ARFIP1: variants seen among roughly 807,000 people sequenced by gnomAD.
The protein encoded by ARFIP1 is ARF interacting protein 1, also known as arfaptin-1.
ARFIP1 carries 24 observed loss-of-function variants against 42.5 expected under a neutral mutation model. The ratio of observed to expected loss-of-function variants is 0.57; its 90% CI spans 0.41 to 0.80. The LOEUF is 0.80. Among genes scored for constraint, ARFIP1 ranks in the 30% least tolerant of loss-of-function variants. The pLI is 0.00. For synonymous variants in ARFIP1, 141 were observed against 153.7 expected (o/e 0.92, Z 0.61); for missense variants, 354 against 434.0 (o/e 0.82, Z 1.64).
chr4:152,781,792 G>C (rs2149810220), intron 1 of ARFIP1, among the ~76,000 whole-genome samples: 1 of 152,276 alleles, frequency 6.6e-6, no homozygotes, highest in East Asian at 1.9e-4. Context: ...TTGATAAACT[G>C]GTTTTCCTTG....
chr4:152,872,456 C>T lies in ARFIP1; in HGVS notation c.303C>T (p.Gly101=), dbSNP rs545518935. ...QGSDLIVPAG[G]QRTQTKSGPV... The stretch of plus-strand genomic sequence containing the variant: ...TTATCTTTTGTTATCTTGCAGGTGG[C>T]CAGAGAACACAGACAAAAAGTGGAC... Residue 101 remains glycine, a synonymous_variant, in exon 5 of 9, where the codon GGC becomes GGT. Transcript: ENST00000353617. 4.4e-6 allele frequency: 7 copies of T among 1,602,436 alleles called. No homozygotes were observed. The East Asian group carries it at 1.1e-4, about 26-fold the overall frequency.
At chr4:152,794,506 T>G (rs984679939) in intron 1 of ARFIP1, among the ~76,000 whole-genome samples, 2 of 152,172 alleles carry the variant, frequency 1.3e-5, no homozygotes, top group Non-Finnish European at 2.9e-5. Flanking sequence ...TACTTATGAT[T>G]ACTTGATCAC....
chr4:152,884,420 G>A (rs942478117), intron 7 of ARFIP1, among the ~76,000 whole-genome samples: 3 of 151,760 alleles, frequency 2.0e-5, no homozygotes, highest in Non-Finnish European at 2.9e-5. Context: ...TGTTCATAAT[G>A]TCCTAATTTG....
intron 6 of ARFIP1, among the ~76,000 whole-genome samples, chr4:152,881,929 GA>G: frequency 6.6e-6 from 1 of 152,250 alleles, no homozygotes; most frequent in African/African-American, 2.4e-5. Context: ...AACTGAAATT[GA>G]AAAGTGTTTT....
At chr4:152,815,070 C>A (rs1729760735) in intron 1 of ARFIP1, among the ~76,000 whole-genome samples, 1 of 152,200 alleles carries the variant, frequency 6.6e-6, no homozygotes, top group African/African-American at 2.4e-5. Flanking sequence ...TATGTTTCTC[C>A]TTCTACCTTA....
chr4:152,781,237 T>TTTC (rs1554019438), intron 1 of ARFIP1, among the ~76,000 whole-genome samples: 13 of 143,934 alleles, frequency 9.0e-5, no homozygotes, highest in African/African-American at 3.1e-4. Context: ...CTTTTTTCTT[T>TTTC]TTTTTTTTTT....
At chr4:152,793,468 A>G (rs1360618058) in intron 1 of ARFIP1, among the ~76,000 whole-genome samples, 3 of 151,850 alleles carry the variant, frequency 2.0e-5, no homozygotes, top group African/African-American at 7.3e-5. Flanking sequence ...TGGTCTTCCC[A>G]TAGTCTTGGG....
intron 1 of ARFIP1, chr4:152,796,211 A>C: frequency 1.2e-6 from 1 of 821,296 alleles, no homozygotes; most frequent in South Asian, 1.4e-5. Context: ...AATAACACCC[A>C]AAGTTGTATA....
intron 1 of ARFIP1, among the ~76,000 whole-genome samples, chr4:152,794,966 A>G (rs987331823): frequency 2.1e-4 from 32 of 152,140 alleles, no homozygotes; most frequent in African/African-American, 6.8e-4. Flanking sequence ...TTCTGACACC[A>G]TGTCAGCATG....
intron 1 of ARFIP1, among the ~76,000 whole-genome samples, chr4:152,795,461 A>C (rs554011826): frequency 6.6e-6 from 1 of 152,284 alleles, no homozygotes; most frequent in South Asian, 2.1e-4. Context: ...GGCACATCCA[A>C]GTTTCCAATA....
At chr4:152,887,568 CA>C (rs1488939701) in intron 7 of ARFIP1, among the ~76,000 whole-genome samples, 1 of 151,952 alleles carries the variant, frequency 6.6e-6, no homozygotes, top group African/African-American at 2.4e-5. Flanking sequence ...TTACATGCCA[CA>C]ATGATTAATA....
intron 1 of ARFIP1, among the ~76,000 whole-genome samples, chr4:152,810,739 C>T (rs947307021): frequency 3.3e-5 from 5 of 152,128 alleles, no homozygotes; most frequent in Non-Finnish European, 5.9e-5. Flanking sequence ...TGGCATGAAC[C>T]TGGGAGGCGG....
At chr4:152,883,072 A>G (rs75691044) in intron 7 of ARFIP1, among the ~76,000 whole-genome samples, 192 bp downstream of exon 7, 2,483 of 152,266 alleles carry the variant, frequency 0.016, 68 homozygotes, top group African/African-American at 0.056. Context: ...ACCAAGAACC[A>G]AAGCCAAGTT....
rs201702407 is a variant in ARFIP1, at chr4:152,818,204, C to G, written c.-9-11421C>G. On this transcript the variant is annotated intron_variant, in intron 1 of 8. Coordinates refer to ENST00000353617, the MANE Select transcript of ARFIP1 (RefSeq NM_001025595.3). ...GCAACATAGGAACTTAACAGAAAAACGGAAACTACAGACCCTCTGAAAGAA... is the reference window on the plus strand; with the variant it reads ...GCAACATAGGAACTTAACAGAAAAAGGGAAACTACAGACCCTCTGAAAGAA... Among the ~76,000 whole-genome samples, 13 of 152,284 alleles carry G rather than the reference C, an allele frequency of 8.5e-5. No individual in the cohort carries two copies. In the East Asian group the frequency reaches 1.9e-3, roughly 23 times the overall value.
intron 1 of ARFIP1, among the ~76,000 whole-genome samples, chr4:152,804,241 A>T (rs7684926): frequency 0.25 from 3,890 of 15,402 alleles, 854 homozygotes; most frequent in Non-Finnish European, 0.34. Context: ...TATTATATAT[A>T]ATATATAATA....
chr4:152,816,749 A>G (rs1729920700), intron 1 of ARFIP1, among the ~76,000 whole-genome samples: 1 of 152,242 alleles, frequency 6.6e-6, no homozygotes, highest in Non-Finnish European at 1.5e-5. Context: ...ATAGAGTTTG[A>G]TAAATTAGTT....
At position 152,861,198 on chromosome 4, in the gene ARFIP1, A is replaced by G. The variant is rs73865259; in HGVS notation, c.94-2408A>G. Among the ~76,000 whole-genome samples, 674 of 152,320 alleles carry G rather than the reference A, an allele frequency of 4.4e-3. 4 individuals carry two copies. The highest frequency in any genetic ancestry group is 0.015 in the African/African-American group (632 of 41,578). On this transcript the variant is annotated intron_variant, in intron 2 of 8. Coordinates refer to ENST00000353617, the MANE Select transcript of ARFIP1 (RefSeq NM_001025595.3). ...GATTCAGCATGCTCTGGGCCTGGGTACCTAATCGTAATATAGTCCCAGAGA... is the reference window on the plus strand; with the variant it reads ...GATTCAGCATGCTCTGGGCCTGGGTGCCTAATCGTAATATAGTCCCAGAGA...
intron 5 of ARFIP1, among the ~76,000 whole-genome samples, chr4:152,875,397 A>T (rs1315703065): frequency 6.6e-6 from 1 of 150,508 alleles, no homozygotes. Context: ...AAAAAAAAAA[A>T]AAAAGAATAA....
intron 2 of ARFIP1, among the ~76,000 whole-genome samples, chr4:152,850,326 A>G (rs1357979663): frequency 6.6e-6 from 1 of 152,214 alleles, no homozygotes; most frequent in African/African-American, 2.4e-5. Flanking sequence ...TTTCCTGAAA[A>G]TGTGCCCACC....
Sources: allele counts gnomAD v4.1 joint callset (sites outside exome capture counted in the v4.1 genomes callset), GRCh38; gene constraint gnomAD v4.1.1; transcripts MANE v1.5; gene names NCBI Gene and HGNC (gene_info 2026-07-23, HGNC 2026-07-21).